The following TENM3 variants were observed in gnomAD, a reference collection of about 807,000 sequenced individuals.
TENM3 encodes teneurin transmembrane protein 3, also known as teneurin-3.
TENM3 carries 63 observed loss-of-function variants against 255.1 expected under a neutral mutation model. That is an observed-to-expected ratio of 0.25 (90% CI 0.20 to 0.30). The LOEUF (loss-of-function observed/expected upper bound fraction) is 0.30, where lower values mean the gene tolerates loss of function less well. Ranked by LOEUF, TENM3 falls within the 10% of genes least tolerant of loss-of-function variation. The pLI is 1.00. For missense variants in TENM3, 2,929 were observed against 3,461.1 expected, an observed-to-expected ratio of 0.85 and a Z score of 3.86; for synonymous variants, 1,306 against 1,322.3, an observed-to-expected ratio of 0.99 and a Z score of 0.27.
At chr4:181,730,568 G>A in the TENM3 span, among the ~76,000 whole-genome samples, 5 of 152,186 alleles carry the variant, frequency 3.3e-5, no homozygotes, top group Admixed American at 6.5e-5. Context: ...CCAGGAAGAA[G>A]GGGAGACAGA....
intron 1 of TENM3, among the ~76,000 whole-genome samples, chr4:182,159,103 C>T (rs1016638750): frequency 1.3e-5 from 2 of 152,142 alleles, no homozygotes; most frequent in South Asian, 2.1e-4. Context: ...GGGTTTGTAA[C>T]GATGGCTGGT....
chr4:181,537,771 C>G, the TENM3 span, among the ~76,000 whole-genome samples: 1 of 152,244 alleles, frequency 6.6e-6, no homozygotes. Flanking sequence ...TCCACCACTA[C>G]TTACCACAGC....
At chr4:182,591,249 GAGAA>G (rs1014450415) in intron 3 of TENM3, among the ~76,000 whole-genome samples, 9 of 152,118 alleles carry the variant, frequency 5.9e-5, no homozygotes, top group Non-Finnish European at 1.0e-4. Flanking sequence ...AAAAAAGAGA[GAGAA>G]AGAGAGAGAG....
At chr4:181,733,759 G>T in the TENM3 span, among the ~76,000 whole-genome samples, 2 of 152,308 alleles carry the variant, frequency 1.3e-5, no homozygotes, top group African/African-American at 4.8e-5. Flanking sequence ...GTCCCCGGAA[G>T]AGGGACGCAG....
intron 1 of TENM3, among the ~76,000 whole-genome samples, chr4:182,178,459 A>G (rs1285636671): frequency 1.3e-5 from 2 of 152,190 alleles, no homozygotes; most frequent in East Asian, 3.9e-4. Context: ...ACCCCCATGG[A>G]CAAGTTTAAT....
At chr4:182,411,164 G>T (rs2151081694) in intron 3 of TENM3, among the ~76,000 whole-genome samples, 1 of 152,316 alleles carries the variant, frequency 6.6e-6, no homozygotes, top group Admixed American at 6.5e-5. Context: ...GTCCCTCACA[G>T]CTTCCTTCAC....
intron 3 of TENM3, among the ~76,000 whole-genome samples, chr4:182,595,344 A>C (rs1487054458): frequency 6.6e-6 from 1 of 152,042 alleles, no homozygotes; most frequent in Non-Finnish European, 1.5e-5. Flanking sequence ...TGTATCCAAT[A>C]GCTCGTAGCA....
chr4:181,898,480 G>T, the TENM3 span, among the ~76,000 whole-genome samples: 2 of 152,128 alleles, frequency 1.3e-5, no homozygotes, highest in Non-Finnish European at 2.9e-5. Context: ...AAGTGAAGGT[G>T]GTCTAAGACC....
rs28587854 is a variant in TENM3 at position 182,338,504 on chromosome 4, A to G, written c.233-8147A>G. ...TTTTGGGGGAGGGGGAGGCAGTTTT[A>G]TTAGAATATTACTAAAATGATAAGT... On this transcript the variant is annotated intron_variant, in intron 2 of 27. Transcript: ENST00000511685. 9.2e-3 allele frequency among the ~76,000 whole-genome samples: 1,401 copies of G among 152,320 alleles called. 29 individuals carry two copies. Among genetic ancestry groups the G allele is most frequent in the African/African-American group, 0.032 (1,333 of 41,578 alleles).
intron 3 of TENM3, among the ~76,000 whole-genome samples, chr4:182,550,844 A>G (rs1001250812): frequency 1.2e-4 from 18 of 152,184 alleles, no homozygotes; most frequent in African/African-American, 3.6e-4. Context: ...GGAAGGAAAG[A>G]TGTTATTTTC....
At chr4:182,129,913 T>TACAC in the TENM3 span, among the ~76,000 whole-genome samples, 1 of 152,050 alleles carries the variant, frequency 6.6e-6, no homozygotes, top group Non-Finnish European at 1.5e-5. Flanking sequence ...CACAAATACA[T>TACAC]AAGTATATGT....
chr4:182,433,611 A>T (rs964352454), intron 3 of TENM3, among the ~76,000 whole-genome samples: 3 of 151,958 alleles, frequency 2.0e-5, no homozygotes, highest in African/African-American at 7.3e-5. Context: ...GCAAGATAAA[A>T]CTCGAGTGGT....
At chr4:181,856,204 T>C in the TENM3 span, among the ~76,000 whole-genome samples, 1 of 150,022 alleles carries the variant, frequency 6.7e-6, no homozygotes, top group East Asian at 1.9e-4. Flanking sequence ...GGGCACATGG[T>C]CCCAGACCTT....
the TENM3 span, among the ~76,000 whole-genome samples, chr4:181,623,142 A>T: frequency 2.0e-5 from 3 of 152,214 alleles, no homozygotes; most frequent in South Asian, 2.1e-4. Flanking sequence ...TTGACAAAAA[A>T]TTCAGGATCA....
intron 3 of TENM3, among the ~76,000 whole-genome samples, chr4:182,383,950 A>G (rs1767736274): frequency 6.6e-6 from 1 of 152,172 alleles, no homozygotes; most frequent in Non-Finnish European, 1.5e-5. Context: ...GCAGGACCGT[A>G]TTTCTGTGCA....
At chr4:182,299,803 C>A (rs1286804471) in intron 1 of TENM3, among the ~76,000 whole-genome samples, 2 of 151,730 alleles carry the variant, frequency 1.3e-5, no homozygotes, top group Non-Finnish European at 2.9e-5. Context: ...TTAGGAAAAT[C>A]CAGGCCCCAG....
chr4:182,556,223 A>C (rs1742572867), intron 3 of TENM3, among the ~76,000 whole-genome samples: 1 of 151,900 alleles, frequency 6.6e-6, no homozygotes, highest in Admixed American at 6.6e-5. Flanking sequence ...CAGCACAAAA[A>C]CTCCAATAAC....
At position 182,524,142 on chromosome 4, in the gene TENM3, C is replaced by A. The variant is rs981496925; in HGVS notation, c.512-76782C>A. On this transcript the variant is annotated intron_variant, in intron 3 of 27. Coordinates refer to ENST00000511685, the MANE Select transcript of TENM3 (RefSeq NM_001080477.4). Reference sequence around the variant, plus strand: ...GTTTAAAGTCCAGTCTATTAGAAGACAATAGTTGCTGAAGTTTATTTGGAA... The same window carrying A: ...GTTTAAAGTCCAGTCTATTAGAAGAAAATAGTTGCTGAAGTTTATTTGGAA... Among the ~76,000 whole-genome samples the A allele has an allele frequency of 9.2e-5, 14 of 152,154 alleles. 1 individual carries two copies. Among genetic ancestry groups the A allele is most frequent in the Admixed American group, 8.5e-4 (13 of 15,276 alleles).
the TENM3 span, among the ~76,000 whole-genome samples, chr4:181,694,403 A>G: frequency 6.6e-6 from 1 of 152,204 alleles, no homozygotes; most frequent in Non-Finnish European, 1.5e-5. Flanking sequence ...TCTAAGGATA[A>G]AGGGATAAAT....
Sources: allele counts gnomAD v4.1 joint callset (sites outside exome capture counted in the v4.1 genomes callset), GRCh38; gene constraint gnomAD v4.1.1; transcripts MANE v1.5; gene names NCBI Gene and HGNC (gene_info 2026-07-23, HGNC 2026-07-21).